MTA2: variants seen among roughly 807,000 people sequenced by gnomAD.
MTA2 encodes the protein metastasis-associated protein MTA2.
MTA2 carries 22 observed loss-of-function variants against 87.1 expected under a neutral mutation model. The observed-to-expected ratio is 0.25, with a 90% confidence interval of 0.18 to 0.36. The LOEUF is 0.36. MTA2 is among the 10% of genes least tolerant of loss of function. MTA2 has a pLI of 1.00. For missense variants in MTA2, 542 were observed against 853.2 expected, an observed-to-expected ratio of 0.64 and a Z score of 4.54; for synonymous variants, 314 against 310.1, an observed-to-expected ratio of 1.01 and a Z score of -0.13.
intron 8 of MTA2, 49 bp from the exon 9 acceptor site, chr11:62,596,874 C>T (rs1293534794): frequency 6.4e-7 from 1 of 1,551,924 alleles, no homozygotes; most frequent in East Asian, 2.2e-5. Context: ...TTTGGCACCA[C>T]TCCCTTCCTG....
In MTA2 at chr11:62,601,841, G is replaced by A; in HGVS notation, c.-391C>T. The A allele has an allele frequency of 2.0e-6, 1 of 497,816 alleles. No individual in the cohort carries two copies. Among genetic ancestry groups the A allele is most frequent in the African/African-American group, 2.0e-5 (1 of 49,108 alleles). The allele number at this position is 497,816 out of a possible 1,614,324, so 30.8% of individuals were successfully genotyped here. On this transcript the variant is annotated 5_prime_UTR_variant, in exon 1 of 18. Coordinates refer to ENST00000278823, the MANE Select transcript of MTA2 (RefSeq NM_004739.4). Reference sequence around the variant, plus strand: ...TTCGCCTCCTTCCGGAACACCTTCGGCCGATCCGGAGAACAAGGCCCACTG... The same window carrying A: ...TTCGCCTCCTTCCGGAACACCTTCGACCGATCCGGAGAACAAGGCCCACTG...
chr11:62,594,177 A>C (rs1942064096), intron 17 of MTA2, 82 bp downstream of exon 17: 2 of 1,578,592 alleles, frequency 1.3e-6, no homozygotes, highest in Admixed American at 3.6e-5. Flanking sequence ...ACTTTCCTGG[A>C]GCTCTTGCTC....
intron 15 of MTA2, 129 bp from the exon 16 acceptor site, chr11:62,594,763 G>T: frequency 1.1e-6 from 1 of 921,440 alleles, no homozygotes; most frequent in Non-Finnish European, 1.7e-6. Context: ...GAATGTTCTG[G>T]CAAGCTATCA....
chr11:62,598,223 C>T, intron 5 of MTA2, 82 bp from the exon 6 acceptor site: 1 of 1,565,140 alleles, frequency 6.4e-7, no homozygotes, highest in Non-Finnish European at 8.8e-7. Context: ...GTTTCCATGA[C>T]CGGCAGTCTG....
chr11:62,597,782 ATAGCACCTCCTCCTTCTCTTCTTCTGC>A, intron 6 of MTA2, 70 bp from the exon 7 acceptor site: 1 of 1,231,810 alleles, frequency 8.1e-7, no homozygotes, highest in Admixed American at 1.9e-5. Flanking sequence ...TTCATTCACA[ATAGCACCTCCTCCTTCTCTTCTTCTGC>A]TTGGATTCTA....
Position 62,596,452 on chromosome 11 carries a change from T to A in MTA2, c.957+6A>T, listed in dbSNP as rs369469868. 2.5e-6 allele frequency: 4 copies of A among 1,613,744 alleles called. No individual in the cohort carries two copies. The South Asian group carries it at 4.4e-5, about 18-fold the overall frequency. On this transcript the variant is annotated splice_donor_region_variant and intron_variant, in intron 10 of 17. Transcript: ENST00000278823. The stretch of plus-strand genomic sequence containing the variant: ...TATGGTCCACCCTCCCCAGCCCAGA[T>A]AATACCTGCTGAATATACCGGTCTG...
At chr11:62,594,753 G>A (rs1942075033) in intron 15 of MTA2, 119 bp from the exon 16 acceptor site, 1 of 965,686 alleles carries the variant, frequency 1.0e-6, no homozygotes, top group Non-Finnish European at 1.6e-6. Flanking sequence ...AGCAATGGGG[G>A]AATGTTCTGG....
In MTA2 at chr11:62,596,627, A is replaced by G. The variant is rs753670928; in HGVS notation, c.882+10T>C. ...CTCTCCCACTTCTCCTCCTAGTGCC[A>G]TCCACTTACAAAATCCTGGCGAATA... On this transcript the variant is annotated intron_variant, in intron 9 of 17. Transcript: ENST00000278823. 1.2e-6 allele frequency: 2 copies of G among 1,611,768 alleles called. No individual in the cohort carries two copies. Among genetic ancestry groups the G allele is most frequent in the South Asian group, 2.2e-5 (2 of 90,814 alleles).
Position 62,601,795 on chromosome 11 carries a change from C to T in MTA2, c.-345G>A, listed in dbSNP as rs1942211956. The T allele has an allele frequency of 2.0e-6, 1 of 504,306 alleles. No homozygotes were observed. 31.2% of individuals were successfully genotyped at this position (504,306 alleles called of 1,614,324 possible). ...TGGGCTCTGCCGGCCGCAGGGAAGG[C>T]TTGCCGGGCCCGCCTCAGGGTTCGC... On this transcript the variant is annotated 5_prime_UTR_variant, in exon 1 of 18. Transcript: ENST00000278823.
intron 2 of MTA2, 23 bp downstream of exon 2, chr11:62,600,599 G>T (rs750480462): frequency 3.7e-6 from 6 of 1,607,874 alleles, no homozygotes; most frequent in Admixed American, 3.3e-5. Flanking sequence ...GGGAGGGAGG[G>T]AGAGGGATTC....
intron 8 of MTA2, 129 bp from the exon 9 acceptor site, chr11:62,596,954 C>T (rs551570243): frequency 6.6e-5 from 56 of 851,890 alleles, no homozygotes; most frequent in African/African-American, 5.8e-4. Flanking sequence ...CTTTGGGAAG[C>T]GGAGGCGGGC....
chr11:62,601,414 G>A lies in MTA2; in HGVS notation c.28+9C>T, dbSNP rs1284158631. 3 of 1,610,434 alleles carry A rather than the reference G, an allele frequency of 1.9e-6. No homozygotes were observed. Among genetic ancestry groups the A allele is most frequent in the Non-Finnish European group, 2.5e-6 (3 of 1,178,554 alleles). On this transcript the variant is annotated intron_variant, in intron 1 of 17. Transcript: ENST00000278823. The stretch of plus-strand genomic sequence containing the variant: ...CCCCGGGCCCCGTATCCCTGCGCCC[G>A]GTACTCACCTCCCACCCGGTACATG...
At chr11:62,600,099 AC>A (rs1391022548) in intron 3 of MTA2, 66 bp downstream of exon 3, 1 of 1,433,574 alleles carries the variant, frequency 7.0e-7, no homozygotes, top group East Asian at 2.3e-5. Context: ...CAGGGGAAAT[AC>A]CTGCAGGGAC....
chr11:62,594,216 C>G, intron 17 of MTA2, 43 bp downstream of exon 17: 1 of 1,612,150 alleles, frequency 6.2e-7, no homozygotes, highest in Non-Finnish European at 8.5e-7. Flanking sequence ...CACTCACCAG[C>G]CTGGACTGTC....
rs1284158631 is a variant in MTA2, at chr11:62,601,414, G to T, written c.28+9C>A. ...CCCCGGGCCCCGTATCCCTGCGCCC[G>T]GTACTCACCTCCCACCCGGTACATG... On this transcript the variant is annotated intron_variant, in intron 1 of 17. Coordinates refer to ENST00000278823, the MANE Select transcript of MTA2 (RefSeq NM_004739.4). 24 of 1,610,432 alleles carry T rather than the reference G, an allele frequency of 1.5e-5. No homozygotes were observed. The highest frequency in any genetic ancestry group is 2.0e-5 in the Non-Finnish European group (24 of 1,178,554).
rs1177356920 is a variant in MTA2 at position 62,595,082 on chromosome 11, A to G, written c.1484-12T>C. On this transcript the variant is annotated splice_polypyrimidine_tract_variant and intron_variant, in intron 14 of 17. Coordinates refer to ENST00000278823, the MANE Select transcript of MTA2 (RefSeq NM_004739.4). The surrounding 1 kb of genome is among the most constrained non-coding windows in gnomAD (Gnocchi z 4.9). The stretch of plus-strand genomic sequence containing the variant: ...AAGTCGAATGGAGCCTGGAGAACAA[A>G]GAAGAAAGCTTCTGAAGGGCTTCAC... The G allele has an allele frequency of 6.2e-7, 1 of 1,613,334 alleles. No homozygotes were observed.
chr11:62,595,769 C>T lies in MTA2; in HGVS notation c.1237G>A (p.Ala413Thr). 6.2e-7 allele frequency: 1 copy of T among 1,614,176 alleles called. No homozygotes were observed. Among genetic ancestry groups the T allele is most frequent in the South Asian group, 1.1e-5 (1 of 91,080 alleles). Residue 413 changes from alanine (A) to threonine (T), a missense_variant, in exon 13 of 18, where the codon GCC becomes ACC. By Grantham distance (58) the Ala-to-Thr change is moderately conservative. Transcript: ENST00000278823. This position sits in a 1 kb window ranked among gnomAD's most constrained non-coding sequence, Gnocchi z 4.9. ...ATCCTTACCGTGGTGCCCCGAGTGGCCCCCTCAAGCTGAGTTGGGGTCTTC... is the reference window on the plus strand; with the variant it reads ...ATCCTTACCGTGGTGCCCCGAGTGGTCCCCTCAAGCTGAGTTGGGGTCTTC... Reference protein sequence around the residue: ...GLKTPTQLEGATRGTTEPHSR... With the variant: ...GLKTPTQLEGTTRGTTEPHSR...
At position 62,596,658 on chromosome 11, in the gene MTA2, G is replaced by A. The variant is rs1425833155; in HGVS notation, c.861C>T (p.Phe287=). Residue 287 remains phenylalanine (F), a synonymous_variant, in exon 9 of 18, where the codon TTC becomes TTT. Coordinates refer to ENST00000278823, the MANE Select transcript of MTA2 (RefSeq NM_004739.4). ...TTACAAAATCCTGGCGAATATCATT[G>A]AAGTCCTTCCCATACTTCTCTAGGG... is the stretch of plus-strand genomic sequence containing the variant. ...EEALEKYGKD[F]NDIRQDFLPW... 1 of 1,612,932 alleles carries A rather than the reference G, an allele frequency of 6.2e-7. No individual in the cohort carries two copies. Among genetic ancestry groups the A allele is most frequent in the Non-Finnish European group, 8.5e-7 (1 of 1,179,394 alleles).
intron 3 of MTA2, among the ~76,000 whole-genome samples, chr11:62,599,056 CTT>C (rs1942139582): frequency 6.6e-6 from 1 of 152,184 alleles, no homozygotes; most frequent in Non-Finnish European, 1.5e-5. Flanking sequence ...TCAGGAGACT[CTT>C]TGCTCTAAAA....
Sources: allele counts gnomAD v4.1 joint callset (sites outside exome capture counted in the v4.1 genomes callset), GRCh38; gene constraint gnomAD v4.1.1; non-coding constraint Gnocchi (gnomAD v3.1); transcripts MANE v1.5; gene names NCBI Gene and HGNC (gene_info 2026-07-23, HGNC 2026-07-21).